Variants in FGF14 observed in about 807,000 individuals in gnomAD.
FGF14 encodes the protein fibroblast growth factor homologous factor 4.
A neutral mutation model predicts 25.5 loss-of-function variants in FGF14; 5 were observed. The observed-to-expected ratio is 0.20, with a 90% CI of 0.10 to 0.41. FGF14 has a LOEUF of 0.41. Among genes scored for constraint, FGF14 ranks in the 10% least tolerant of loss-of-function variants. The probability of loss-of-function intolerance (pLI) is 1.00; values close to 1 mark genes in which losing one functional copy is unlikely to be tolerated. For missense variants in FGF14, 222 were observed against 320.1 expected (o/e 0.69, Z 2.34); for synonymous variants, 138 against 118.3 (o/e 1.17, Z -1.08).
intron 1 of FGF14, among the ~76,000 whole-genome samples, chr13:102,161,706 G>GTC (rs1480990320): frequency 1.3e-5 from 2 of 148,830 alleles, no homozygotes; most frequent in South Asian, 4.3e-4. Context: ...AGAAGAAGAA[G>GTC]AAGAAGAAGA....
intron 1 of FGF14, among the ~76,000 whole-genome samples, chr13:102,047,352 C>A (rs2042029629): frequency 6.6e-6 from 1 of 151,960 alleles, no homozygotes; most frequent in Non-Finnish European, 1.5e-5. Flanking sequence ...CTAAAAGATT[C>A]TAATTGTAAT....
At chr13:102,161,658 GAAGAAGAAGAAGAAGAAGAAGAAGAA>G (rs2047740659) in intron 1 of FGF14, among the ~76,000 whole-genome samples, 1 of 20,512 alleles carries the variant, frequency 4.9e-5, no homozygotes, top group African/African-American at 1.9e-4. Flanking sequence ...AGAAGAAGAA[GAAGAAGAAGAAGAAGAAGAAGAAGAA>G]GAAGAAGAAG....
intron 1 of FGF14, among the ~76,000 whole-genome samples, chr13:101,990,646 C>T (rs2038850177): frequency 6.6e-6 from 1 of 152,058 alleles, no homozygotes; most frequent in Non-Finnish European, 1.5e-5. Context: ...TTTGGGGTGG[C>T]TCATGCACAG....
intron 1 of FGF14, among the ~76,000 whole-genome samples, chr13:102,036,072 A>G (rs57411177): frequency 0.074 from 11,335 of 152,160 alleles, 1,385 homozygotes; most frequent in African/African-American, 0.26. Context: ...GAGTGGGGAA[A>G]TAGAGAGAGA....
chr13:101,950,322 G>A (rs2036078893), intron 1 of FGF14, among the ~76,000 whole-genome samples: 1 of 152,134 alleles, frequency 6.6e-6, no homozygotes, highest in Non-Finnish European at 1.5e-5. Flanking sequence ...GATACGCTTA[G>A]GTATTTTCTA....
chr13:102,027,312 ATAT>A (rs1410807669), intron 1 of FGF14, among the ~76,000 whole-genome samples: 2 of 151,260 alleles, frequency 1.3e-5, no homozygotes, highest in Non-Finnish European at 3.0e-5. Context: ...TAATGACTAT[ATAT>A]TATAATTATT....
chr13:102,240,216 G>A (rs557480082), intron 1 of FGF14, among the ~76,000 whole-genome samples: 92 of 152,220 alleles, frequency 6.0e-4, no homozygotes, highest in African/African-American at 2.2e-3. Context: ...ATGAACAGGA[G>A]TTTAGAAGGT....
chr13:102,125,867 TTTTAAC>T (rs1368922133), intron 1 of FGF14, among the ~76,000 whole-genome samples: 3 of 152,076 alleles, frequency 2.0e-5, no homozygotes, highest in Admixed American at 6.5e-5. Context: ...GTCGATGAAA[TTTTAAC>T]TTTAAATAAA....
chr13:102,292,177 GTTCTCA>G (rs2054441919), intron 1 of FGF14: 1 of 145,944 alleles, frequency 6.9e-6, no homozygotes, highest in Non-Finnish European at 1.5e-5. Flanking sequence ...CAGCCTTCTA[GTTCTCA>G]TATCTTTCAT....
chr13:101,875,923 G>C (rs914592532), intron 1 of FGF14, among the ~76,000 whole-genome samples: 23 of 152,100 alleles, frequency 1.5e-4, no homozygotes, highest in African/African-American at 5.6e-4. Context: ...CTACTTGTGA[G>C]CTCAGGGGAA....
In FGF14 at chr13:101,862,754, C is replaced by T. The variant is rs532239748; in HGVS notation, c.408+5971G>A. On this transcript the variant is annotated intron_variant, in intron 3 of 4. Coordinates refer to ENST00000376143, the MANE Select transcript of FGF14 (RefSeq NM_004115.4). Reference sequence around the variant, plus strand: ...AAGTATCATACTTGCTTTATTAATACTATAAATTATCTTGGCCAAGATACC... The same window carrying T: ...AAGTATCATACTTGCTTTATTAATATTATAAATTATCTTGGCCAAGATACC... Among the ~76,000 whole-genome samples the T allele has an allele frequency of 5.4e-4, 82 of 152,078 alleles. 1 individual carries two copies. The highest frequency in any genetic ancestry group is 1.9e-3 in the African/African-American group (78 of 41,486).
intron 3 of FGF14, among the ~76,000 whole-genome samples, chr13:101,847,405 A>G (rs980187409): frequency 2.0e-5 from 3 of 152,100 alleles, no homozygotes; most frequent in Non-Finnish European, 4.4e-5. Context: ...AGGTGCTAAC[A>G]TTAAGTATAA....
At chr13:102,014,791 C>A (rs1007821790) in intron 1 of FGF14, among the ~76,000 whole-genome samples, 2 of 152,032 alleles carry the variant, frequency 1.3e-5, no homozygotes, top group Non-Finnish European at 2.9e-5. Flanking sequence ...TTATATTAAT[C>A]GCCATGGTTC....
intron 1 of FGF14, among the ~76,000 whole-genome samples, chr13:102,149,833 T>C (rs1361587949): frequency 6.6e-6 from 1 of 152,210 alleles, no homozygotes; most frequent in Non-Finnish European, 1.5e-5. Flanking sequence ...TTGGACATGA[T>C]TGTTCCTTTA....
intron 3 of FGF14, among the ~76,000 whole-genome samples, chr13:101,738,284 A>G (rs1244402570): frequency 6.6e-6 from 1 of 152,220 alleles, no homozygotes; most frequent in Admixed American, 6.5e-5. Flanking sequence ...TTGAAAATAC[A>G]AAACAGATAA....
At chr13:102,359,189 T>C (rs1256208510) in intron 1 of FGF14, among the ~76,000 whole-genome samples, 3 of 151,890 alleles carry the variant, frequency 2.0e-5, no homozygotes, top group Non-Finnish European at 2.9e-5. Context: ...GGGAAGGAGA[T>C]CATCAAGATA....
intron 1 of FGF14, among the ~76,000 whole-genome samples, chr13:102,109,713 AGGTTCAAGAGGTTCTCCT>A (rs1285917285): frequency 7.9e-5 from 12 of 152,076 alleles, no homozygotes; most frequent in Non-Finnish European, 1.8e-4. Context: ...ATCGCCTCCC[AGGTTCAAGAGGTTCTCCT>A]GCCTCAGCCT....
chr13:102,211,981 G>A (rs2050180756), intron 1 of FGF14, among the ~76,000 whole-genome samples: 1 of 152,110 alleles, frequency 6.6e-6, no homozygotes. Flanking sequence ...CCCTGAGTTT[G>A]CTTAAATTTC....
chr13:101,975,742 A>G lies in FGF14; in HGVS notation c.209-100446T>C, dbSNP rs147282182. Among the ~76,000 whole-genome samples, 753 of 152,322 alleles carry G rather than the reference A, an allele frequency of 4.9e-3. 20 individuals carry two copies. Among genetic ancestry groups the G allele is most frequent in the Admixed American group, 0.038 (584 of 15,298 alleles). ...ACAGCAAAGATGCTGAGATTCAGAG[A>G]GGGAACTTACTAAAATAGAAAAAGC... On this transcript the variant is annotated intron_variant, in intron 1 of 4. Transcript: ENST00000376131.
Sources: allele counts gnomAD v4.1 joint callset (sites outside exome capture counted in the v4.1 genomes callset), GRCh38; gene constraint gnomAD v4.1.1; transcripts MANE v1.5; gene names NCBI Gene and HGNC (gene_info 2026-07-23, HGNC 2026-07-21).